Variants in DLGAP2 observed in about 807,000 individuals in gnomAD.
DLGAP2 encodes the protein disks large-associated protein 2.
Under a neutral mutation model 100.3 loss-of-function variants are expected in DLGAP2, and 26 were observed. That is an observed-to-expected ratio of 0.26 (90% confidence interval 0.19 to 0.36). The LOEUF is 0.36. DLGAP2 is among the 10% of genes least tolerant of loss of function. DLGAP2 has a pLI of 1.00. For missense variants in DLGAP2, 1,858 were observed against 1,453.2 expected, an observed-to-expected ratio of 1.28 and a Z score of -4.53; for synonymous variants, 886 against 630.1, an observed-to-expected ratio of 1.41 and a Z score of -6.08.
At chr8:1,172,801 G>A (rs547827119) in intron 2 of DLGAP2, among the ~76,000 whole-genome samples, 2 of 152,138 alleles carry the variant, frequency 1.3e-5, no homozygotes, top group African/African-American at 4.8e-5. Context: ...TTTTTTCAAA[G>A]TTTTTAACTT....
intron 1 of DLGAP2, among the ~76,000 whole-genome samples, chr8:851,331 G>A (rs1211288557): frequency 2.0e-5 from 3 of 152,214 alleles, no homozygotes; most frequent in African/African-American, 7.2e-5. Context: ...GTCTCAGGAC[G>A]TAGCCCCATT....
chr8:751,335 G>A (rs868204097), intron 1 of DLGAP2, among the ~76,000 whole-genome samples: 5 of 150,514 alleles, frequency 3.3e-5, no homozygotes, highest in South Asian at 2.1e-4. Flanking sequence ...GCATTTTCCT[G>A]GATCTCCGGC....
chr8:1,494,439 AGG>A (rs1221362959), intron 3 of DLGAP2, among the ~76,000 whole-genome samples: 2 of 152,302 alleles, frequency 1.3e-5, no homozygotes, highest in East Asian at 3.9e-4. Flanking sequence ...TTAAGAAATG[AGG>A]GGCCACTTGG....
intron 3 of DLGAP2, among the ~76,000 whole-genome samples, chr8:1,280,730 G>A (rs1380777193): frequency 2.0e-5 from 3 of 152,216 alleles, no homozygotes; most frequent in Non-Finnish European, 4.4e-5. Context: ...GGGCAGAGGA[G>A]TATAAGGATA....
rs565399964 is a variant in DLGAP2, at chr8:1,645,635, G to C, written c.1810+12589G>C. Among the ~76,000 whole-genome samples the C allele has an allele frequency of 3.3e-5, 5 of 152,286 alleles. No individual in the cohort carries two copies. In the East Asian group the frequency reaches 9.7e-4, roughly 29 times the overall value. On this transcript the variant is annotated intron_variant, in intron 8 of 14. Coordinates refer to ENST00000637795, the MANE Select transcript of DLGAP2 (RefSeq NM_001346810.2). ...ATCATGAAGTCCTATAGATACATTT[G>C]TGTTGGTTGATTATCCAGACAATAA...
intron 3 of DLGAP2, among the ~76,000 whole-genome samples, chr8:1,368,187 CACGTGTGTGT>C (rs1183922444): frequency 6.6e-6 from 1 of 151,720 alleles, no homozygotes; most frequent in East Asian, 1.9e-4. Context: ...TGTGTATGTG[CACGTGTGTGT>C]ACGTGTGTGT....
chr8:1,487,084 T>G (rs1215680815), intron 3 of DLGAP2, among the ~76,000 whole-genome samples: 3 of 152,220 alleles, frequency 2.0e-5, no homozygotes, highest in African/African-American at 7.2e-5. Context: ...AAAAATGAAT[T>G]GCAATGTAAG....
At chr8:803,237 C>T (rs1329526840) in intron 1 of DLGAP2, among the ~76,000 whole-genome samples, 1 of 152,230 alleles carries the variant, frequency 6.6e-6, no homozygotes, top group African/African-American at 2.4e-5. Flanking sequence ...CTCCATGTTT[C>T]TCCAGTGTGG....
intron 13 of DLGAP2, among the ~76,000 whole-genome samples, chr8:1,696,785 C>A (rs1267165909): frequency 6.6e-6 from 1 of 152,224 alleles, no homozygotes; most frequent in Non-Finnish European, 1.5e-5. Context: ...CAGGCCAATA[C>A]CACGGCAGGC....
intron 2 of DLGAP2, among the ~76,000 whole-genome samples, chr8:1,255,102 G>A (rs1471632362): frequency 1.5e-5 from 2 of 137,286 alleles, no homozygotes; most frequent in African/African-American, 2.9e-5. Flanking sequence ...CATCCTGCCT[G>A]GGTGCTGTGT....
intron 6 of DLGAP2, among the ~76,000 whole-genome samples, chr8:1,623,020 G>T (rs1797387645): frequency 1.3e-5 from 2 of 152,178 alleles, no homozygotes; most frequent in Non-Finnish European, 2.9e-5. Flanking sequence ...GTGACTGTGA[G>T]GAACCTGGCC....
intron 2 of DLGAP2, among the ~76,000 whole-genome samples, chr8:956,158 G>A (rs563539203): frequency 1.1e-4 from 17 of 152,304 alleles, no homozygotes; most frequent in South Asian, 4.1e-4. Context: ...TTGTGTGTGC[G>A]TCTGGTGCAT....
At chr8:1,605,397 A>G (rs116345810) in intron 6 of DLGAP2, among the ~76,000 whole-genome samples, 2 of 152,114 alleles carry the variant, frequency 1.3e-5, no homozygotes, top group Admixed American at 6.5e-5. Context: ...TTGAGAAGCA[A>G]AGTGGTCTCC....
chr8:976,904 A>G (rs868561392), intron 2 of DLGAP2, among the ~76,000 whole-genome samples: 1 of 152,252 alleles, frequency 6.6e-6, no homozygotes, highest in South Asian at 2.1e-4. Context: ...ATAGTACCAA[A>G]AGCACTGTTC....
chr8:1,270,239 G>C (rs190582954), intron 3 of DLGAP2, among the ~76,000 whole-genome samples: 32 of 152,250 alleles, frequency 2.1e-4, no homozygotes, highest in African/African-American at 7.5e-4. Context: ...GCTGTGAACC[G>C]TATACACAGA....
intron 2 of DLGAP2, among the ~76,000 whole-genome samples, chr8:1,050,332 C>T (rs1802642633): frequency 6.6e-6 from 1 of 152,208 alleles, no homozygotes; most frequent in Non-Finnish European, 1.5e-5. Flanking sequence ...CTGTTTTTCA[C>T]TTTCAGGATA....
At chr8:1,212,836 G>T (rs1311336150) in intron 2 of DLGAP2, among the ~76,000 whole-genome samples, 2 of 132,146 alleles carry the variant, frequency 1.5e-5, no homozygotes, top group Non-Finnish European at 3.0e-5. Context: ...GAATAAGAAT[G>T]ACATGTATAT....
At chr8:1,337,528 G>GTGA (rs35353661) in intron 3 of DLGAP2, among the ~76,000 whole-genome samples, 19,763 of 148,246 alleles carry the variant, frequency 0.13, 1,435 homozygotes, top group Admixed American at 0.17. Context: ...GCTGATGATA[G>GTGA]TGATGATGAT....
At chr8:1,431,254 A>G (rs1234556599) in intron 3 of DLGAP2, among the ~76,000 whole-genome samples, 6 of 152,220 alleles carry the variant, frequency 3.9e-5, no homozygotes, top group Non-Finnish European at 8.8e-5. Context: ...TAGAATCATT[A>G]TGTGTAAGTC....
Sources: gnomAD v4.1 joint callset for allele counts (sites outside exome capture counted in the v4.1 genomes callset) on GRCh38, gnomAD v4.1.1 for gene constraint, MANE v1.5 for transcripts, NCBI Gene and HGNC (gene_info 2026-07-23, HGNC 2026-07-21) for gene names.